PARP15: variants seen among roughly 807,000 people sequenced by gnomAD.
PARP15 encodes poly(ADP-ribose) polymerase family member 15, also known as protein mono-ADP-ribosyltransferase PARP15.
A neutral mutation model predicts 62.1 loss-of-function variants in PARP15; 50 were observed. The observed-to-expected ratio is 0.81, with a 90% confidence interval of 0.64 to 1.02. PARP15 has a LOEUF of 1.02. Among genes scored for constraint, PARP15 ranks in the 50% least tolerant of loss-of-function variants. PARP15 has a pLI of 0.00. For missense variants in PARP15, 820 were observed against 826.5 expected (o/e 0.99, Z 0.10); for synonymous variants, 309 against 293.1 (o/e 1.05, Z -0.55).
At chr3:122,615,726 G>T in intron 4 of PARP15, 53 bp from the exon 5 acceptor site, 2 of 1,606,252 alleles carry the variant, frequency 1.2e-6, no homozygotes, top group South Asian at 1.1e-5. Context: ...CAAAGAATTG[G>T]ATTAATATTT....
rs763450646 is a variant in PARP15, at chr3:122,635,115, C to T, written c.1668C>T (p.Leu556=). 4.3e-6 allele frequency: 7 copies of T among 1,614,030 alleles called. No individual in the cohort carries two copies. Among genetic ancestry groups the T allele is most frequent in the South Asian group, 2.2e-5 (2 of 91,074 alleles). The part of the protein sequence containing the change: ...IKNDHKNNER[L]LFHGTDADSV... ...ATGACCATAAGAATAATGAGAGACT[C>T]CTCTTCCATGGGACAGATGCAGACT... Residue 556 remains leucine (L), a synonymous_variant, in exon 11 of 12, where the codon CTC becomes CTT. Coordinates refer to ENST00000464300, the MANE Select transcript of PARP15 (RefSeq NM_001113523.3).
intron 1 of PARP15, among the ~76,000 whole-genome samples, chr3:122,599,359 C>T (rs561608926): frequency 1.0e-3 from 153 of 147,548 alleles, no homozygotes; most frequent in Non-Finnish European, 1.9e-3. Flanking sequence ...GGCAACAGAG[C>T]GAGACATAGT....
At chr3:122,584,776 C>T (rs1933282263) in intron 1 of PARP15, among the ~76,000 whole-genome samples, 1 of 152,070 alleles carries the variant, frequency 6.6e-6, no homozygotes, top group Non-Finnish European at 1.5e-5. Context: ...CGGCGTTTCA[C>T]CACGTTGGTC....
chr3:122,579,999 G>GTATATATATATATGTA (rs2080766802), intron 1 of PARP15, among the ~76,000 whole-genome samples: 3 of 64,476 alleles, frequency 4.7e-5, no homozygotes, highest in Non-Finnish European at 9.8e-5. Context: ...GCAACTATAT[G>GTATATATATATATGTA]TATATATATA....
At chr3:122,626,169 A>T (rs570865237) in intron 8 of PARP15, among the ~76,000 whole-genome samples, 1 of 148,960 alleles carries the variant, frequency 6.7e-6, no homozygotes, top group Non-Finnish European at 1.5e-5. Context: ...GGCTAAATGT[A>T]TGATTGGTAA....
intron 9 of PARP15, 123 bp from the exon 10 acceptor site, chr3:122,631,963 A>C: frequency 9.6e-7 from 1 of 1,043,512 alleles, no homozygotes; most frequent in Non-Finnish European, 1.4e-6. Context: ...CAATTGTGAA[A>C]TGTGTAACTT....
intron 1 of PARP15, among the ~76,000 whole-genome samples, chr3:122,590,082 T>C (rs945515581): frequency 2.0e-5 from 3 of 151,598 alleles, no homozygotes; most frequent in Non-Finnish European, 2.9e-5. Flanking sequence ...GAGACGGAGT[T>C]TCACCGTGTT....
intron 9 of PARP15, among the ~76,000 whole-genome samples, chr3:122,631,757 T>C (rs1937071383): frequency 6.6e-6 from 1 of 152,220 alleles, no homozygotes; most frequent in South Asian, 2.1e-4. Flanking sequence ...ATCTATAAAT[T>C]AGCATTCATG....
At chr3:122,603,862 A>G (rs372375351) in intron 1 of PARP15, among the ~76,000 whole-genome samples, 4 of 152,188 alleles carry the variant, frequency 2.6e-5, no homozygotes, top group East Asian at 3.8e-4. Context: ...AGACAATTTT[A>G]AACAGAAAAA....
chr3:122,614,299 A>G (rs1935791957), intron 4 of PARP15, among the ~76,000 whole-genome samples: 1 of 152,230 alleles, frequency 6.6e-6, no homozygotes, highest in South Asian at 2.1e-4. Context: ...AAGGACTGAC[A>G]AGCAATTGCT....
rs1230218212 is a variant in PARP15, at chr3:122,638,166, A to G, written c.*2066A>G. ...ATGGCTGCATAGTATTCCATGGTGT[A>G]TATGTGCCACATTTTCTTAATCCAG... is the stretch of plus-strand genomic sequence containing the variant. On this transcript the variant is annotated 3_prime_UTR_variant, in exon 12 of 12. Coordinates refer to ENST00000464300, the MANE Select transcript of PARP15 (RefSeq NM_001113523.3). 2 of 152,086 alleles carry G rather than the reference A, an allele frequency of 1.3e-5. No homozygotes were observed. Among genetic ancestry groups the G allele is most frequent in the Non-Finnish European group, 2.9e-5 (2 of 68,008 alleles). The allele number at this position is 152,086 out of a possible 1,614,324, so 9.4% of individuals were successfully genotyped here. A position where few individuals can be genotyped will look rare whatever the true frequency, so the allele number is the denominator to read the frequency against.
chr3:122,635,254 A>T (rs1398728391), intron 11 of PARP15, 60 bp downstream of exon 11: 3 of 1,507,996 alleles, frequency 2.0e-6, no homozygotes, highest in Non-Finnish European at 2.7e-6. Flanking sequence ...CAGACTTTTC[A>T]TACCCAAGCA....
At chr3:122,603,013 T>A (rs1172967586) in intron 1 of PARP15, among the ~76,000 whole-genome samples, 1 of 152,040 alleles carries the variant, frequency 6.6e-6, no homozygotes, top group Non-Finnish European at 1.5e-5. Context: ...TTTGGTTTTG[T>A]CTGAATGATG....
intron 9 of PARP15, among the ~76,000 whole-genome samples, chr3:122,628,806 A>G (rs1936893110): frequency 6.6e-6 from 1 of 152,238 alleles, no homozygotes; most frequent in South Asian, 2.1e-4. Flanking sequence ...TTGTTGTTAG[A>G]GAAAAGGAAT....
At chr3:122,630,129 A>C (rs893190461) in intron 9 of PARP15, among the ~76,000 whole-genome samples, 2 of 152,186 alleles carry the variant, frequency 1.3e-5, no homozygotes, top group Non-Finnish European at 2.9e-5. Flanking sequence ...AACACTTTTA[A>C]AAGGGTAGTT....
At chr3:122,594,899 T>G (rs1350070291) in intron 1 of PARP15, 1 of 967,786 alleles carries the variant, frequency 1.0e-6, no homozygotes, top group Non-Finnish European at 1.2e-6. Flanking sequence ...TCTTCAAAAA[T>G]CCCAAAAATG....
At position 122,636,187 on chromosome 3, in the gene PARP15, G is replaced by A; in HGVS notation, c.*87G>A. 2 of 1,358,886 alleles carry A rather than the reference G, an allele frequency of 1.5e-6. No individual in the cohort carries two copies. The highest frequency in any genetic ancestry group is 2.0e-6 in the Non-Finnish European group (2 of 1,007,344). 84.2% of individuals were successfully genotyped at this position (1,358,886 alleles called of 1,614,324 possible). A position where few individuals can be genotyped will look rare whatever the true frequency, so the allele number is the denominator to read the frequency against. On this transcript the variant is annotated 3_prime_UTR_variant, in exon 12 of 12. Coordinates refer to ENST00000464300, the MANE Select transcript of PARP15 (RefSeq NM_001113523.3). ...TCTTTGCTTCTGGCCTGTGTAAGCA[G>A]ATGAAAGTTTCCCTTTTAGGTGCCA...
chr3:122,593,500 A>G (rs1934110494), intron 1 of PARP15, among the ~76,000 whole-genome samples: 1 of 152,178 alleles, frequency 6.6e-6, no homozygotes, highest in Non-Finnish European at 1.5e-5. Context: ...GATTCACTGT[A>G]AAAAAGAAAT....
intron 3 of PARP15, among the ~76,000 whole-genome samples, chr3:122,612,837 C>G (rs1935669481): frequency 6.6e-6 from 1 of 152,020 alleles, no homozygotes; most frequent in Admixed American, 6.6e-5. Flanking sequence ...CATTCCCACG[C>G]TGTTGGACCC....
Sources: gnomAD v4.1 joint callset for allele counts (sites outside exome capture counted in the v4.1 genomes callset) on GRCh38, gnomAD v4.1.1 for gene constraint, MANE v1.5 for transcripts, NCBI Gene and HGNC (gene_info 2026-07-23, HGNC 2026-07-21) for gene names.